Variants in LGI3 observed in about 807,000 individuals in gnomAD.
The protein encoded by LGI3 is leucine rich repeat LGI family member 3.
A neutral mutation model predicts 55.4 loss-of-function variants in LGI3; 47 were observed. The ratio of observed to expected loss-of-function variants is 0.85; its 90% confidence interval spans 0.67 to 1.08. The LOEUF (loss-of-function observed/expected upper bound fraction) is 1.08. Among genes scored for constraint, LGI3 ranks in the 50% least tolerant of loss-of-function variants. LGI3 has a pLI of 0.00. For missense variants in LGI3, 664 were observed against 726.3 expected (o/e 0.91, Z 0.99); for synonymous variants, 326 against 315.0 (o/e 1.04, Z -0.37).
Position 22,156,524 on chromosome 8 carries a change from T to C in LGI3, c.19A>G (p.Arg7Gly), listed in dbSNP as rs1473832909. 3.0e-6 allele frequency: 4 copies of C among 1,347,682 alleles called. No individual in the cohort carries two copies. Among genetic ancestry groups the C allele is most frequent in the African/African-American group, 3.1e-5 (2 of 64,576 alleles). The allele number at this position is 1,347,682 out of a possible 1,614,324, so 83.5% of individuals were successfully genotyped here. Reference protein sequence around the residue: MAGLRARGGPGPGLLAL... With the variant: MAGLRAGGGPGPGLLAL... ...AGCAGCCCCGGCCCCGGGCCCCCCC[T>C]GGCCCGCAGCCCCGCCATGCTGCCC... Residue 7 changes from arginine to glycine, a missense_variant, in exon 1 of 8, where the codon AGG becomes GGG. Physicochemically the swap from Arg to Gly is moderately radical, Grantham distance 125. Coordinates refer to ENST00000306317, the MANE Select transcript of LGI3 (RefSeq NM_139278.4).
In LGI3 at chr8:22,154,212, A is replaced by G. The variant is rs780541927; in HGVS notation, c.352T>C (p.Phe118Leu). 1 of 1,613,644 alleles carries G rather than the reference A, an allele frequency of 6.2e-7. No homozygotes were observed. Among genetic ancestry groups the G allele is most frequent in the Non-Finnish European group, 8.5e-7 (1 of 1,179,698 alleles). ...GCCCAGATGTCATTGTTCTCAATGA[A>G]GCTGGGGAAAGCGGGAACTTGCCTC... is the stretch of plus-strand genomic sequence containing the variant. Reference protein sequence around the residue: ...FTGLSHLQYLFIENNDIWALS... With the variant: ...FTGLSHLQYLLIENNDIWALS... The change falls in exon 4 of 8, where the codon TTC becomes CTC. Residue 118 changes from phenylalanine to leucine, a missense_variant and splice_region_variant. Physicochemically the swap from Phe to Leu is conservative, Grantham distance 22. Transcript: ENST00000306317.
chr8:22,156,451 T>A lies in LGI3; in HGVS notation c.92A>T (p.Lys31Met), dbSNP rs754114055. The A allele has an allele frequency of 1.0e-5, 16 of 1,548,420 alleles. No individual in the cohort carries two copies. Among genetic ancestry groups the A allele is most frequent in the African/African-American group, 1.4e-5 (1 of 71,712 alleles). ...GCAGGGGGGCGTCTTGGGGGGCCTC[T>A]TAGCGCTGACTTGCAGCATGAGGCA... Reference protein sequence around the residue: ...GFCLMLQVSAKRPPKTPPCPP... With the variant: ...GFCLMLQVSAMRPPKTPPCPP... The change falls in exon 1 of 8, where the codon AAG becomes ATG. Residue 31 changes from lysine (K) to methionine (M), a missense_variant. Physicochemically the swap from Lys to Met is moderately conservative, Grantham distance 95. Coordinates refer to ENST00000306317, the MANE Select transcript of LGI3 (RefSeq NM_139278.4).
Position 22,156,328 on chromosome 8 carries a change from G to C in LGI3, c.206+9C>G. 6.2e-7 allele frequency: 1 copy of C among 1,610,704 alleles called. No individual in the cohort carries two copies. The highest frequency in any genetic ancestry group is 8.5e-7 in the Non-Finnish European group (1 of 1,179,282). ...TCCCCAACCCCCAAGGCCAGGGCTG[G>C]ACACTCACAGGGAGATGACCTCCGA... On this transcript the variant is annotated intron_variant, in intron 1 of 7. Transcript: ENST00000306317.
Position 22,156,491 on chromosome 8 carries a change from A to G in LGI3, c.52T>C (p.Ser18Pro). Residue 18 changes from serine to proline, a missense_variant, in exon 1 of 8, where the codon TCC becomes CCC. By Grantham distance (74) the Ser-to-Pro change is moderately conservative. Coordinates refer to ENST00000306317, the MANE Select transcript of LGI3 (RefSeq NM_139278.4). Reference sequence around the variant, plus strand: ...AGCATGAGGCAGAAGCCGAGCGCGGAGAGCGCCAGCAGCCCCGGCCCCGGG... The same window carrying G: ...AGCATGAGGCAGAAGCCGAGCGCGGGGAGCGCCAGCAGCCCCGGCCCCGGG... ...GGPGPGLLAL[S>P]ALGFCLMLQV... The G allele has an allele frequency of 7.0e-7, 1 of 1,420,206 alleles. No homozygotes were observed. Among genetic ancestry groups the G allele is most frequent in the Non-Finnish European group, 9.2e-7 (1 of 1,087,680 alleles). 88.0% of individuals were successfully genotyped at this position (1,420,206 alleles called of 1,614,324 possible).
At chr8:22,153,698 C>A (rs1225873328) in intron 5 of LGI3, among the ~76,000 whole-genome samples, 1 of 145,522 alleles carries the variant, frequency 6.9e-6, no homozygotes, top group Non-Finnish European at 1.5e-5. Context: ...CAGAGTGAGA[C>A]TCCGTCTATA....
rs571516031 is a variant in LGI3, at chr8:22,156,509, G to A, written c.34C>T (p.Pro12Ser). 5,026 of 1,398,176 alleles carry A rather than the reference G, an allele frequency of 3.6e-3. 157 individuals carry two copies. The African/African-American group carries it at 0.069, about 19-fold the overall frequency. 86.6% of individuals were successfully genotyped at this position (1,398,176 alleles called of 1,614,324 possible). ...AGCGCGGAGAGCGCCAGCAGCCCCG[G>A]CCCCGGGCCCCCCCTGGCCCGCAGC... is the stretch of plus-strand genomic sequence containing the variant. ...AGLRARGGPG[P>S]GLLALSALGF... The change falls in exon 1 of 8, where the codon CCG becomes TCG. Residue 12 changes from proline (P) to serine (S), a missense_variant. Physicochemically the swap from Pro to Ser is moderately conservative, Grantham distance 74. Transcript: ENST00000306317.
intron 5 of LGI3, 26 bp from the exon 6 acceptor site, chr8:22,152,026 G>T: frequency 6.4e-7 from 1 of 1,559,356 alleles, no homozygotes; most frequent in Non-Finnish European, 8.7e-7. Context: ...AGAGGAGGGG[G>T]GCACAGAGAA....
In LGI3 at chr8:22,154,005, T is replaced by G. The variant is rs770173627; in HGVS notation, c.457A>C (p.Arg153=). The G allele has an allele frequency of 6.2e-7, 1 of 1,614,182 alleles. No homozygotes were observed. The highest frequency in any genetic ancestry group is 1.7e-5 in the Admixed American group (1 of 60,024). ...LANNNLQTLP[R]DIFRPLDILN... Reference sequence around the variant, plus strand: ...ATGTCCAGGGGCCGGAAGATGTCTCTGGGCAGTGTCTGCAGGTTATTGTTG... The same window carrying G: ...ATGTCCAGGGGCCGGAAGATGTCTCGGGGCAGTGTCTGCAGGTTATTGTTG... The change falls in exon 5 of 8, where the codon AGA becomes CGA. Residue 153 remains arginine (R), a synonymous_variant. Coordinates refer to ENST00000306317, the MANE Select transcript of LGI3 (RefSeq NM_139278.4).
rs1827462649 is a variant in LGI3, at chr8:22,154,607, T to G, written c.303A>C (p.Thr101=). Residue 101 remains threonine (T), a synonymous_variant, in exon 3 of 8, where the codon ACA becomes ACC. Coordinates refer to ENST00000306317, the MANE Select transcript of LGI3 (RefSeq NM_139278.4). ...CTGTGAAGGCGTTGTCTCCAATCAGTGTAAACTTGTTGGAGTTGAGTAACC... is the reference window on the plus strand; with the variant it reads ...CTGTGAAGGCGTTGTCTCCAATCAGGGTAAACTTGTTGGAGTTGAGTAACC... ...QFLLLNSNKF[T]LIGDNAFTGL... 1 of 1,613,828 alleles carries G rather than the reference T, an allele frequency of 6.2e-7. No homozygotes were observed.
chr8:22,148,895 G>T lies in LGI3; in HGVS notation c.912C>A (p.Tyr304Ter). 1 of 1,614,164 alleles carries T rather than the reference G, an allele frequency of 6.2e-7. No homozygotes were observed. The highest frequency in any genetic ancestry group is 8.5e-7 in the Non-Finnish European group (1 of 1,180,024). The change falls in exon 8 of 8, where the codon TAC (tyrosine) becomes TAA (stop). Residue 304 changes from tyrosine to a stop codon, truncating the protein, a stop_gained. Coordinates refer to ENST00000306317, the MANE Select transcript of LGI3 (RefSeq NM_139278.4). LOFTEE classifies it high-confidence loss of function. This position sits in a 1 kb window ranked among gnomAD's most constrained non-coding sequence, Gnocchi z 7.0. ...TGGTGTTGGGATCCCAGTGGTAAAT[G>T]TAAGAGCCGCCAAACAGCTGGGCCA... Reference protein sequence around the residue: ...VVVAQLFGGSYIYHWDPNTTR... With the variant: ...VVVAQLFGGS
rs1204978927 is a variant in LGI3 at position 22,148,781 on chromosome 8, G to A, written c.1026C>T (p.Tyr342=). The change falls in exon 8 of 8, where the codon TAC becomes TAT. Residue 342 remains tyrosine, a synonymous_variant. Transcript: ENST00000306317. The surrounding 1 kb of genome is among the most constrained non-coding windows in gnomAD (Gnocchi z 7.0). ...CCTTGGAGCTGTCAGCCACGGCAAA[G>A]TACCAGTCACCGTCGATGCGGAAGG... ...LEAFRIDGDW[Y]FAVADSSKAG... 1 of 1,614,088 alleles carries A rather than the reference G, an allele frequency of 6.2e-7. No individual in the cohort carries two copies.
intron 2 of LGI3, 40 bp downstream of exon 2, chr8:22,155,352 C>G: frequency 6.3e-7 from 1 of 1,592,820 alleles, no homozygotes; most frequent in Non-Finnish European, 8.6e-7. Flanking sequence ...TGCTACCACC[C>G]CATAGTTCCC....
At position 22,148,297 on chromosome 8, in the gene LGI3, G is replaced by A. The variant is rs745437845; in HGVS notation, c.1510C>T (p.Arg504Trp). The A allele has an allele frequency of 5.1e-5, 82 of 1,614,018 alleles. No homozygotes were observed. Among genetic ancestry groups the A allele is most frequent in the Middle Eastern group, 1.6e-4 (1 of 6,084 alleles). The change falls in exon 8 of 8, where the codon CGG becomes TGG. Residue 504 changes from arginine (R) to tryptophan (W), a missense_variant. Transcript: ENST00000306317. The surrounding 1 kb of genome is among the most constrained non-coding windows in gnomAD (Gnocchi z 7.0). ...GCCTGCACAGCCAGCTCCTGGAACC[G>A]TACAAACTTCTGTCGTCCCTCATCC... ...QWDEGRQKFV[R>W]FQELAVQAPR...
chr8:22,154,450 C>T, intron 3 of LGI3, 110 bp downstream of exon 3: 1 of 999,490 alleles, frequency 1.0e-6, no homozygotes. Context: ...CCTCCCATCA[C>T]CTTCCCTTCC....
chr8:22,148,157 C>G lies in LGI3; in HGVS notation c.*3G>C. 1 of 1,584,120 alleles carries G rather than the reference C, an allele frequency of 6.3e-7. No individual in the cohort carries two copies. The highest frequency in any genetic ancestry group is 2.2e-5 in the East Asian group (1 of 44,698). On this transcript the variant is annotated 3_prime_UTR_variant, in exon 8 of 8. Coordinates refer to ENST00000306317, the MANE Select transcript of LGI3 (RefSeq NM_139278.4). The surrounding 1 kb of genome is among the most constrained non-coding windows in gnomAD (Gnocchi z 7.0). ...CTGAGGAGACCAGAGGCCTCGGCAC[C>G]CCCTAGGCACTGAGATCCACCACAA... is the stretch of plus-strand genomic sequence containing the variant.
chr8:22,154,729 T>G, intron 2 of LGI3, 98 bp from the exon 3 acceptor site: 1 of 882,948 alleles, frequency 1.1e-6, no homozygotes, highest in East Asian at 2.5e-5. Context: ...AAGACATGAC[T>G]GCCCTGCTGC....
In LGI3 at chr8:22,156,801, C is replaced by T; in HGVS notation, c.-259G>A. 1 of 161,010 alleles carries T rather than the reference C, an allele frequency of 6.2e-6. No individual in the cohort carries two copies. The allele number at this position is 161,010 out of a possible 1,614,324, so 10.0% of individuals were successfully genotyped here. A position where few individuals can be genotyped will look rare whatever the true frequency, so the allele number is the denominator to read the frequency against. On this transcript the variant is annotated 5_prime_UTR_variant, in exon 1 of 8. Coordinates refer to ENST00000306317, the MANE Select transcript of LGI3 (RefSeq NM_139278.4). ...CGGGGCTGACCGCGCCGGGTGGCTG[C>T]GGACTGCGGCGCGGGCGGCGGGGGC... is the stretch of plus-strand genomic sequence containing the variant.
intron 2 of LGI3, chr8:22,154,973 G>A (rs1381693378): frequency 9.6e-6 from 4 of 414,802 alleles, no homozygotes; most frequent in African/African-American, 4.0e-5. Flanking sequence ...CCTCATGGAC[G>A]GCATCTTGTA....
Position 22,156,379 on chromosome 8 carries a change from G to C in LGI3, c.164C>G (p.Ser55Ter). The change falls in exon 1 of 8, where the codon TCA (serine) becomes TGA (stop). Residue 55 changes from serine to a stop codon, truncating the protein, a stop_gained. Transcript: ENST00000306317. LOFTEE classifies it high-confidence loss of function. ...GGGCAGGTTCCTGGGCACCGCCTTT[G>C]AGTCCACGCAGAAGGCGGTGTCCCT... Reference protein sequence around the residue: ...CTRDTAFCVDSKAVPRNLPSE... With the variant: ...CTRDTAFCVD 2 of 1,606,396 alleles carry C rather than the reference G, an allele frequency of 1.2e-6. No homozygotes were observed. The highest frequency in any genetic ancestry group is 1.7e-6 in the Non-Finnish European group (2 of 1,177,298).
Sources: gnomAD v4.1 joint callset for allele counts (sites outside exome capture counted in the v4.1 genomes callset) on GRCh38, gnomAD v4.1.1 for gene constraint, Gnocchi (gnomAD v3.1) non-coding constraint, MANE v1.5 for transcripts, NCBI Gene and HGNC (gene_info 2026-07-23, HGNC 2026-07-21) for gene names.